Variants in LMLN observed in about 807,000 individuals in gnomAD.
LMLN encodes leishmanolysin like peptidase.
Under a neutral mutation model 92.3 loss-of-function variants are expected in LMLN, and 70 were observed. The observed-to-expected ratio is 0.76, with a 90% CI of 0.63 to 0.92. The LOEUF (loss-of-function observed/expected upper bound fraction) is 0.92, where lower values mean the gene tolerates loss of function less well. LMLN is among the 40% of genes least tolerant of loss of function. The pLI, the probability that LMLN is intolerant of heterozygous loss-of-function variation, is 0.00. For missense variants in LMLN, 691 were observed against 814.6 expected, an observed-to-expected ratio of 0.85 and a Z score of 1.85; for synonymous variants, 308 against 296.2, an observed-to-expected ratio of 1.04 and a Z score of -0.41.
intron 11 of LMLN, among the ~76,000 whole-genome samples, chr3:198,014,280 C>G (rs1722549774): frequency 7.1e-6 from 1 of 141,530 alleles, no homozygotes; most frequent in African/African-American, 2.7e-5. Context: ...TCTCTCCACC[C>G]TTCAGAGTCC....
At chr3:197,976,080 C>T (rs138222508) in exon 4 of LMLN, 11 of 1,606,734 alleles carry the variant, frequency 6.8e-6, no homozygotes, top group East Asian at 4.5e-5. Flanking sequence ...TTTTCAGGTC[C>T]GTCGACCTGC....
chr3:197,982,192 T>G (rs1027008453), intron 6 of LMLN, among the ~76,000 whole-genome samples: 2 of 151,028 alleles, frequency 1.3e-5, no homozygotes, highest in Non-Finnish European at 2.9e-5. Context: ...TAACTTCTCC[T>G]AGATTTGTTA....
chr3:197,997,944 G>A (rs1722073810), intron 10 of LMLN, among the ~76,000 whole-genome samples: 1 of 152,212 alleles, frequency 6.6e-6, no homozygotes. Context: ...CCAGGATGGG[G>A]TTTCAGGTGG....
intron 1 of LMLN, among the ~76,000 whole-genome samples, chr3:197,967,615 C>A (rs896869091): frequency 2.0e-5 from 3 of 152,204 alleles, no homozygotes; most frequent in East Asian, 1.9e-4. Context: ...TTCAGCAGTG[C>A]ACGTATTGTC....
intron 3 of LMLN, 48 bp from the exon 4 acceptor site, chr3:197,975,981 A>T (rs1260773835): frequency 2.7e-6 from 3 of 1,119,830 alleles, no homozygotes; most frequent in Non-Finnish European, 3.9e-6. Flanking sequence ...AATATAATTT[A>T]TCTCTTCCTT....
Position 198,027,364 on chromosome 3 carries a change from T to C in LMLN, c.1656+2576T>C, listed in dbSNP as rs557940010. On this transcript the variant is annotated intron_variant, in intron 14 of 15. Coordinates refer to ENST00000330198, the Ensembl canonical transcript of LMLN. The stretch of plus-strand genomic sequence containing the variant: ...GAGGGATCACTGGGCTTTTTTTTCT[T>C]AAAATTGTGGCAAAATATATATAAC... Among the ~76,000 whole-genome samples, 5 of 152,278 alleles carry C rather than the reference T, an allele frequency of 3.3e-5. No homozygotes were observed. In the South Asian group the frequency reaches 1.0e-3, roughly 32 times the overall value.
At chr3:198,010,662 G>A (rs2109916390) in intron 11 of LMLN, among the ~76,000 whole-genome samples, 1 of 152,066 alleles carries the variant, frequency 6.6e-6, no homozygotes, top group African/African-American at 2.4e-5. Flanking sequence ...TATTGCTCAG[G>A]CTAGTCTTGA....
intron 11 of LMLN, among the ~76,000 whole-genome samples, chr3:198,011,682 C>A (rs2109918256): frequency 6.6e-6 from 1 of 151,280 alleles, no homozygotes; most frequent in South Asian, 2.1e-4. Context: ...AGTTCTAGAT[C>A]CCTGAGGAAT....
rs1205697363 is a variant in LMLN, at chr3:198,025,932, C to T, written c.1656+1144C>T. Reference sequence around the variant, plus strand: ...TATCATTAGTTACTTATCAAATTAACGTTTTTTTTGGTAACTGCTTTTCTT... The same window carrying T: ...TATCATTAGTTACTTATCAAATTAATGTTTTTTTTGGTAACTGCTTTTCTT... On this transcript the variant is annotated intron_variant, in intron 14 of 15. Coordinates refer to ENST00000330198, the Ensembl canonical transcript of LMLN. The surrounding 1 kb of genome is among the most constrained non-coding windows in gnomAD (Gnocchi z 4.3). Among the ~76,000 whole-genome samples, 2 of 152,036 alleles carry T rather than the reference C, an allele frequency of 1.3e-5. No homozygotes were observed. The highest frequency in any genetic ancestry group is 2.9e-5 in the Non-Finnish European group (2 of 68,002).
exon 16 of LMLN, chr3:198,038,922 TCGTCAGC>T (rs1560160640): frequency 1.2e-5 from 4 of 336,746 alleles, no homozygotes; most frequent in African/African-American, 8.3e-5. Flanking sequence ...CCCAACCACC[TCGTCAGC>T]AACCCAACCA....
intron 11 of LMLN, among the ~76,000 whole-genome samples, chr3:198,011,974 C>T (rs952339851): frequency 2.6e-5 from 4 of 152,184 alleles, no homozygotes; most frequent in Non-Finnish European, 5.9e-5. Flanking sequence ...GCAATCTACT[C>T]ATCTGACAAA....
chr3:197,962,829 A>C (rs1032197794), intron 1 of LMLN, among the ~76,000 whole-genome samples: 19 of 151,930 alleles, frequency 1.3e-4, no homozygotes, highest in Non-Finnish European at 2.2e-4. Context: ...CTCTGTAATA[A>C]ATATTGAAAT....
chr3:198,005,775 T>C (rs910943179), intron 11 of LMLN, among the ~76,000 whole-genome samples: 2 of 151,998 alleles, frequency 1.3e-5, no homozygotes, highest in African/African-American at 2.4e-5. Flanking sequence ...GCTGTGATTA[T>C]AGGCGTGCGC....
chr3:197,976,798 A>G (rs1721396818), intron 5 of LMLN, 83 bp downstream of exon 5: 1 of 612,074 alleles, frequency 1.6e-6, no homozygotes, highest in Admixed American at 3.0e-5. Flanking sequence ...TACAGATTCA[A>G]GTTCAAAGGC....
Position 198,019,146 on chromosome 3 carries a change from G to A in LMLN, c.1233-107G>A. On this transcript the variant is annotated intron_variant, in intron 11 of 15. Coordinates refer to ENST00000330198, the Ensembl canonical transcript of LMLN. This position sits in a 1 kb window ranked among gnomAD's most constrained non-coding sequence, Gnocchi z 5.5. ...AAGAATCCCATTTGTTAATTATGAA[G>A]GTTTGTATTTTTAGGCCAGGATCTG... 9.1e-7 allele frequency: 1 copy of A among 1,095,024 alleles called. No homozygotes were observed. The highest frequency in any genetic ancestry group is 1.3e-6 in the Non-Finnish European group (1 of 767,096). 67.8% of individuals were successfully genotyped at this position (1,095,024 alleles called of 1,614,324 possible). A position where few individuals can be genotyped will look rare whatever the true frequency, so the allele number is the denominator to read the frequency against.
rs923117734 is a variant in LMLN at position 198,034,347 on chromosome 3, C to T, written c.1657-1486C>T. The stretch of plus-strand genomic sequence containing the variant: ...ATTTTTGGCTGGGTGCGGTGGCTCA[C>T]GCCTGTAATCCTAGCACTTTGGGAG... On this transcript the variant is annotated intron_variant, in intron 14 of 15. Coordinates refer to ENST00000330198, the Ensembl canonical transcript of LMLN. 7.2e-5 allele frequency among the ~76,000 whole-genome samples: 11 copies of T among 152,222 alleles called. No individual in the cohort carries two copies. The South Asian group carries it at 1.0e-3, about 14-fold the overall frequency.
chr3:198,043,404 G>C (rs979726942), exon 16 of LMLN: 35 of 152,682 alleles, frequency 2.3e-4, no homozygotes, highest in African/African-American at 8.4e-4. Flanking sequence ...CGTGGCAGGA[G>C]GAGACGGGCC....
At chr3:197,965,932 C>T (rs1383952110) in intron 1 of LMLN, among the ~76,000 whole-genome samples, 1 of 152,204 alleles carries the variant, frequency 6.6e-6, no homozygotes, top group Non-Finnish European at 1.5e-5. Context: ...GTGTATTTAG[C>T]TTGCTTGTGG....
At chr3:197,974,049 T>C (rs1721301196) in intron 1 of LMLN, among the ~76,000 whole-genome samples, 1 of 152,224 alleles carries the variant, frequency 6.6e-6, no homozygotes, top group African/African-American at 2.4e-5. Context: ...TCTCTTCCTG[T>C]CATTTTCTCA....
Sources: gnomAD v4.1 joint callset for allele counts (sites outside exome capture counted in the v4.1 genomes callset) on GRCh38, gnomAD v4.1.1 for gene constraint, Gnocchi (gnomAD v3.1) non-coding constraint, MANE v1.5 for transcripts, NCBI Gene and HGNC (gene_info 2026-07-23, HGNC 2026-07-21) for gene names.